CDK17: variants seen among roughly 807,000 people sequenced by gnomAD.
The protein encoded by CDK17 is cyclin-dependent kinase 17.
In CDK17, 24 loss-of-function variants were observed where a neutral mutation model predicts 77.6. That is an observed-to-expected ratio of 0.31 (90% CI 0.22 to 0.44). The LOEUF is 0.44. CDK17 is among the 20% of genes least tolerant of loss of function. The pLI is 1.00. For missense variants in CDK17, 429 were observed against 622.5 expected, an observed-to-expected ratio of 0.69 and a Z score of 3.31; for synonymous variants, 203 against 210.4, an observed-to-expected ratio of 0.96 and a Z score of 0.30.
chr12:96,319,209 T>C (rs1319553251), intron 3 of CDK17, among the ~76,000 whole-genome samples: 4 of 151,850 alleles, frequency 2.6e-5, no homozygotes, highest in African/African-American at 7.3e-5. Flanking sequence ...AAGAAATGGA[T>C]ACATTCCTCA....
At position 96,351,073 on chromosome 12, in the gene CDK17, C is replaced by T. The variant is rs143277592; in HGVS notation, c.-29-16208G>A. 1.8e-4 allele frequency among the ~76,000 whole-genome samples: 27 copies of T among 152,190 alleles called. 1 individual carries two copies. The East Asian group carries it at 5.0e-3, about 28-fold the overall frequency. Reference sequence around the variant, plus strand: ...AAGATATACCAATGGCCTATAAGCACATAAAAAGATGCTCAACATTATTAC... The same window carrying T: ...AAGATATACCAATGGCCTATAAGCATATAAAAAGATGCTCAACATTATTAC... On this transcript the variant is annotated intron_variant, in intron 1 of 16. Coordinates refer to ENST00000261211, the MANE Select transcript of CDK17 (RefSeq NM_002595.5).
chr12:96,301,604 C>T (rs1408015747), intron 5 of CDK17, among the ~76,000 whole-genome samples: 5 of 152,144 alleles, frequency 3.3e-5, no homozygotes, highest in African/African-American at 1.2e-4. Context: ...GAAAGATCCA[C>T]TTGCTTAGAA....
chr12:96,284,715 C>A (rs1292880536), intron 13 of CDK17, among the ~76,000 whole-genome samples: 1 of 151,738 alleles, frequency 6.6e-6, no homozygotes, highest in East Asian at 2.0e-4. Flanking sequence ...CAGGCATGCA[C>A]CACCACGTCC....
intron 1 of CDK17, among the ~76,000 whole-genome samples, chr12:96,361,665 C>T (rs1310437726): frequency 6.6e-6 from 1 of 152,068 alleles, no homozygotes; most frequent in East Asian, 1.9e-4. Flanking sequence ...TATTTTAATA[C>T]ACCAAACTTT....
chr12:96,299,156 T>C (rs1321722819), intron 6 of CDK17, among the ~76,000 whole-genome samples, 173 bp from the exon 7 acceptor site: 2 of 152,196 alleles, frequency 1.3e-5, no homozygotes, highest in East Asian at 3.9e-4. Context: ...TAAACAGGAC[T>C]TTCAGTTCAT....
intron 1 of CDK17, among the ~76,000 whole-genome samples, chr12:96,371,808 C>T (rs75427845): frequency 0.14 from 20,839 of 152,156 alleles, 1,606 homozygotes; most frequent in South Asian, 0.28. Context: ...ACATATTTTT[C>T]AATCATGATC....
chr12:96,346,175 A>C (rs1204048791), intron 1 of CDK17, among the ~76,000 whole-genome samples: 3 of 151,794 alleles, frequency 2.0e-5, no homozygotes, highest in African/African-American at 7.3e-5. Flanking sequence ...AAAATTGGCC[A>C]GGTGCAGTGG....
At chr12:96,387,116 TC>T in intron 1 of CDK17, 1 of 304,966 alleles carries the variant, frequency 3.3e-6, no homozygotes, top group Non-Finnish European at 6.6e-6. Flanking sequence ...CTGTGACTGT[TC>T]CATAGACCTG....
At position 96,324,044 on chromosome 12, in the gene CDK17, C is replaced by T; in HGVS notation, c.187G>A (p.Gly63Arg). The T allele has an allele frequency of 6.2e-7, 1 of 1,611,686 alleles. No homozygotes were observed. The highest frequency in any genetic ancestry group is 8.5e-7 in the Non-Finnish European group (1 of 1,178,872). ...CGCAATGGGGGCTTCTTGAAAGATC[C>T]TGTGTACTGGTGGAGGAAGGAATGC... is the stretch of plus-strand genomic sequence containing the variant. The part of the protein sequence containing the change: ...SMHSFLHQYT[G>R]SFKKPPLRRP... The change falls in exon 3 of 17, where the codon GGA (glycine) becomes AGA (arginine). Residue 63 changes from glycine (G) to arginine (R), a missense_variant. Physicochemically the swap from Gly to Arg is moderately radical, Grantham distance 125. Transcript: ENST00000261211.
chr12:96,322,082 A>C (rs920435330), intron 3 of CDK17, among the ~76,000 whole-genome samples: 14 of 152,320 alleles, frequency 9.2e-5, no homozygotes, highest in Admixed American at 8.5e-4. Flanking sequence ...CCCAAACAAG[A>C]AATTACTCAC....
intron 14 of CDK17, among the ~76,000 whole-genome samples, chr12:96,283,213 G>A (rs1250281627): frequency 6.6e-6 from 1 of 152,152 alleles, no homozygotes; most frequent in African/African-American, 2.4e-5. Flanking sequence ...GACTAATGTG[G>A]CTGGTACTAC....
Position 96,280,111 on chromosome 12 carries a change from A to G in CDK17, c.*131T>C. ...CAATCTGTAGGTCTGAAATAAAAAG[A>G]CTCCACTGTGAAGAGGACAGTGTAG... On this transcript the variant is annotated 3_prime_UTR_variant, in exon 17 of 17. Coordinates refer to ENST00000261211, the MANE Select transcript of CDK17 (RefSeq NM_002595.5). 1.3e-6 allele frequency: 1 copy of G among 793,560 alleles called. No individual in the cohort carries two copies. The highest frequency in any genetic ancestry group is 2.7e-5 in the South Asian group (1 of 36,476). The allele number at this position is 793,560 out of a possible 1,614,324, so 49.2% of individuals were successfully genotyped here.
intron 1 of CDK17, among the ~76,000 whole-genome samples, chr12:96,354,122 ACCTGGG>A (rs1228022087): frequency 6.6e-6 from 1 of 152,192 alleles, no homozygotes; most frequent in Non-Finnish European, 1.5e-5. Flanking sequence ...ATTAGAGACA[ACCTGGG>A]CCAAGCAATT....
At chr12:96,315,032 C>G (rs1252913281) in intron 3 of CDK17, among the ~76,000 whole-genome samples, 2 of 152,164 alleles carry the variant, frequency 1.3e-5, no homozygotes, top group African/African-American at 4.8e-5. Flanking sequence ...AGAACTTAAC[C>G]AACTGTCTGG....
At chr12:96,343,232 A>G (rs1953149054) in intron 1 of CDK17, among the ~76,000 whole-genome samples, 1 of 152,214 alleles carries the variant, frequency 6.6e-6, no homozygotes, top group Admixed American at 6.5e-5. Flanking sequence ...CCAAGTATGG[A>G]ACCTAATTAG....
intron 3 of CDK17, among the ~76,000 whole-genome samples, chr12:96,315,964 G>A (rs572662487): frequency 9.9e-5 from 15 of 152,226 alleles, no homozygotes; most frequent in East Asian, 7.7e-4. Flanking sequence ...CAAGATGGCC[G>A]AATAGGAACA....
chr12:96,309,894 C>T (rs891176358), intron 5 of CDK17, among the ~76,000 whole-genome samples: 10 of 152,062 alleles, frequency 6.6e-5, no homozygotes, highest in African/African-American at 1.7e-4. Flanking sequence ...TAGTGATATA[C>T]GTATAAGTTG....
At chr12:96,288,092 G>A (rs752078598) in intron 11 of CDK17, among the ~76,000 whole-genome samples, 2 of 152,110 alleles carry the variant, frequency 1.3e-5, no homozygotes, top group Non-Finnish European at 2.9e-5. Flanking sequence ...AAAGATTCTG[G>A]AGGTAGATAG....
intron 1 of CDK17, among the ~76,000 whole-genome samples, chr12:96,372,898 T>A (rs2137211236): frequency 6.6e-6 from 1 of 152,308 alleles, no homozygotes; most frequent in South Asian, 2.1e-4. Flanking sequence ...TTAACCAGAA[T>A]TCTGACAAAC....
Sources: allele counts gnomAD v4.1 joint callset (sites outside exome capture counted in the v4.1 genomes callset), GRCh38; gene constraint gnomAD v4.1.1; transcripts MANE v1.5; gene names NCBI Gene and HGNC (gene_info 2026-07-23, HGNC 2026-07-21).